PLXNA4: variants seen among roughly 807,000 people sequenced by gnomAD.
PLXNA4 encodes the protein plexin A4.
PLXNA4 carries 44 observed loss-of-function variants against 191.8 expected under a neutral mutation model. The observed-to-expected ratio is 0.23, with a 90% CI of 0.18 to 0.29. PLXNA4 has a LOEUF of 0.29. PLXNA4 is among the 10% of genes least tolerant of loss of function. The probability of loss-of-function intolerance (pLI) is 1.00; values close to 1 mark genes in which losing one functional copy is unlikely to be tolerated. For synonymous variants in PLXNA4, 1,082 were observed against 1,009.5 expected (o/e 1.07, Z -1.36); for missense variants, 1,800 against 2,488.8 (o/e 0.72, Z 5.89).
chr7:132,361,286 C>T (rs902195778), intron 3 of PLXNA4, among the ~76,000 whole-genome samples: 2 of 152,156 alleles, frequency 1.3e-5, no homozygotes, highest in South Asian at 2.1e-4. Context: ...TGCAGGCCCA[C>T]GATGCCTTGT....
At chr7:132,389,256 C>A (rs974137303) in intron 3 of PLXNA4, among the ~76,000 whole-genome samples, 2 of 152,186 alleles carry the variant, frequency 1.3e-5, no homozygotes, top group Admixed American at 6.5e-5. Flanking sequence ...TGTGCAGAAG[C>A]TCTTTGGTTT....
chr7:132,634,319 T>C (rs1249664185), intron 2 of PLXNA4, among the ~76,000 whole-genome samples: 1 of 152,186 alleles, frequency 6.6e-6, no homozygotes, highest in Non-Finnish European at 1.5e-5. Context: ...GCCACTAGTC[T>C]GCCCATATGT....
intron 5 of PLXNA4, among the ~76,000 whole-genome samples, chr7:132,237,146 A>G (rs565729215): frequency 2.0e-5 from 3 of 152,362 alleles, no homozygotes; most frequent in Admixed American, 6.5e-5. Flanking sequence ...ATCTCATTCC[A>G]TCTACATTTA....
intron 1 of PLXNA4, among the ~76,000 whole-genome samples, chr7:132,519,104 A>C (rs1246999080): frequency 1.3e-5 from 2 of 152,214 alleles, no homozygotes; most frequent in Non-Finnish European, 2.9e-5. Context: ...CAGCACTCTC[A>C]ATAGGATCCT....
In PLXNA4 at chr7:132,227,364, G is replaced by T. The variant is rs765562201; in HGVS notation, c.1882+87C>A. ...TCTGACTCTCTCCTGCCTGCAGGTT[G>T]CTTTGATCCCCCCACATCTGTCCTG... On this transcript the variant is annotated intron_variant, in intron 7 of 31. Transcript: ENST00000321063. 1.3e-4 allele frequency: 194 copies of T among 1,546,680 alleles called. 1 individual carries two copies. Among genetic ancestry groups the T allele is most frequent in the Non-Finnish European group, 1.6e-4 (184 of 1,138,008 alleles).
intron 9 of PLXNA4, among the ~76,000 whole-genome samples, chr7:132,218,371 C>T (rs1455172637): frequency 6.6e-6 from 1 of 152,176 alleles, no homozygotes. Context: ...AGAGAAGAGG[C>T]GTTCCTGAGA....
intron 1 of PLXNA4, among the ~76,000 whole-genome samples, chr7:132,562,939 TCTC>T (rs1187724991): frequency 3.6e-5 from 3 of 83,182 alleles, no homozygotes; most frequent in Non-Finnish European, 7.1e-5. Flanking sequence ...TCCCTCCTCC[TCTC>T]CCTCCTCCTC....
intron 3 of PLXNA4, among the ~76,000 whole-genome samples, chr7:132,427,786 C>T (rs566892332): frequency 2.1e-4 from 32 of 152,326 alleles, no homozygotes; most frequent in Non-Finnish European, 3.4e-4. Flanking sequence ...TCATGCACTA[C>T]GTGCTTCATA....
intron 1 of PLXNA4, among the ~76,000 whole-genome samples, chr7:132,533,962 A>ATTATTG (rs1799730711): frequency 6.7e-6 from 1 of 150,344 alleles, no homozygotes; most frequent in African/African-American, 2.5e-5. Context: ...TTATTATGTT[A>ATTATTG]ACAAGTCACC....
At chr7:132,584,798 A>T (rs1802477397) in intron 2 of PLXNA4, among the ~76,000 whole-genome samples, 1 of 152,170 alleles carries the variant, frequency 6.6e-6, no homozygotes, top group African/African-American at 2.4e-5. Context: ...TACCACGTGC[A>T]AGTACTACGT....
intron 3 of PLXNA4, among the ~76,000 whole-genome samples, chr7:132,423,963 G>A (rs1378282247): frequency 6.6e-6 from 1 of 152,162 alleles, no homozygotes; most frequent in Non-Finnish European, 1.5e-5. Flanking sequence ...GGGCTGCATG[G>A]AGGTCAATGC....
In PLXNA4 at chr7:132,223,636, A is replaced by T; in HGVS notation, c.1988T>A (p.Leu663Gln). 6.2e-7 allele frequency: 1 copy of T among 1,612,816 alleles called. No individual in the cohort carries two copies. Among genetic ancestry groups the T allele is most frequent in the African/African-American group, 1.3e-5 (1 of 75,028 alleles). The change falls in exon 9 of 32, where the codon CTG becomes CAG. Residue 663 changes from leucine (L) to glutamine (Q), a missense_variant. Physicochemically the swap from Leu to Gln is moderately radical, Grantham distance 113. Transcript: ENST00000321063. ...FYNCSVHNSC[L>Q]SCVESPYRCH... The stretch of plus-strand genomic sequence containing the variant: ...GCGGTATGGACTCTCCACGCAGGAC[A>T]GGCACCTGGGCACAGGGGAAGGGAG...
intron 1 of PLXNA4, among the ~76,000 whole-genome samples, chr7:132,516,044 A>G (rs1249098604): frequency 6.6e-6 from 1 of 152,220 alleles, no homozygotes; most frequent in Non-Finnish European, 1.5e-5. Flanking sequence ...TGAATGCTCC[A>G]TAGCAGAGTA....
At chr7:132,610,630 G>A (rs1002731903) in intron 2 of PLXNA4, among the ~76,000 whole-genome samples, 2 of 152,180 alleles carry the variant, frequency 1.3e-5, no homozygotes, top group African/African-American at 4.8e-5. Context: ...AGACTAAAAC[G>A]TGCATGCATG....
At chr7:132,537,719 C>A (rs966171289) in intron 1 of PLXNA4, among the ~76,000 whole-genome samples, 1 of 152,122 alleles carries the variant, frequency 6.6e-6, no homozygotes, top group African/African-American at 2.4e-5. Flanking sequence ...TGAAGCCAGG[C>A]CCTCTGAGAG....
intron 1 of PLXNA4, among the ~76,000 whole-genome samples, chr7:132,567,041 A>G (rs556002801): frequency 6.6e-6 from 1 of 152,218 alleles, no homozygotes; most frequent in South Asian, 2.1e-4. Context: ...CCGTCTTTCC[A>G]GGAGACATCA....
intron 3 of PLXNA4, among the ~76,000 whole-genome samples, chr7:132,417,549 C>T (rs1794700809): frequency 6.6e-6 from 1 of 152,102 alleles, no homozygotes. Context: ...ATTTCTGTAT[C>T]TTTTAAATCT....
chr7:132,438,508 T>G (rs1795561101), intron 3 of PLXNA4, among the ~76,000 whole-genome samples: 1 of 152,250 alleles, frequency 6.6e-6, no homozygotes, highest in African/African-American at 2.4e-5. Flanking sequence ...AGGGAATGGC[T>G]AACTTCTCAA....
intron 5 of PLXNA4, among the ~76,000 whole-genome samples, chr7:132,230,881 C>T (rs918108988): frequency 7.9e-5 from 12 of 152,158 alleles, no homozygotes; most frequent in Non-Finnish European, 1.6e-4. Context: ...CCAAACATCA[C>T]CTGGAGTTAC....
Sources: allele counts gnomAD v4.1 joint callset (sites outside exome capture counted in the v4.1 genomes callset), GRCh38; gene constraint gnomAD v4.1.1; transcripts MANE v1.5; gene names NCBI Gene and HGNC (gene_info 2026-07-23, HGNC 2026-07-21).